Variants in HELLS observed in about 807,000 individuals in gnomAD.
HELLS encodes lymphoid-specific helicase.
In HELLS, 32 loss-of-function variants were observed where a neutral mutation model predicts 120.0. The ratio of observed to expected loss-of-function variants is 0.27; its 90% CI spans 0.20 to 0.36. HELLS has a LOEUF of 0.36. Ranked by LOEUF, HELLS falls within the 10% of genes least tolerant of loss-of-function variation. The pLI is 1.00. For synonymous variants in HELLS, 341 were observed against 323.4 expected, an observed-to-expected ratio of 1.05 and a Z score of -0.58; for missense variants, 650 against 993.4, an observed-to-expected ratio of 0.65 and a Z score of 4.65.
intron 6 of HELLS, chr10:94,570,505 T>C (rs539417875): frequency 6.6e-6 from 1 of 152,244 alleles, no homozygotes; most frequent in African/African-American, 2.4e-5. Flanking sequence ...CATGTCCTGT[T>C]ACTCTTCTAT....
intron 7 of HELLS, among the ~76,000 whole-genome samples, chr10:94,573,199 C>G (rs1449629418): frequency 3.3e-5 from 5 of 152,200 alleles, no homozygotes; most frequent in African/African-American, 1.2e-4. Flanking sequence ...ACCTCATGAT[C>G]TGCCTGCCTT....
chr10:94,592,544 C>T (rs2134113491), intron 17 of HELLS, 30 bp downstream of exon 17: 1 of 1,307,364 alleles, frequency 7.6e-7, no homozygotes, highest in Non-Finnish European at 1.0e-6. Flanking sequence ...ACATACCAAA[C>T]TATTCTTTTA....
Position 94,562,846 on chromosome 10 carries a change from A to G in HELLS, c.405A>G (p.Ser135=). The change falls in exon 6 of 22, where the codon TCA becomes TCG. Residue 135 remains serine, a synonymous_variant. Transcript: ENST00000348459. ...AAAAAAGAGGAAGAGAAGATGAATC[A>G]TACAATATTTCAGAGGTCATGTCAA... is the stretch of plus-strand genomic sequence containing the variant. ...MRKKRGREDE[S]YNISEVMSKE... 1.3e-6 allele frequency: 2 copies of G among 1,581,040 alleles called. No homozygotes were observed. Among genetic ancestry groups the G allele is most frequent in the Non-Finnish European group, 1.7e-6 (2 of 1,156,612 alleles).
chr10:94,599,442 C>T (rs893226789), intron 21 of HELLS, among the ~76,000 whole-genome samples: 17 of 152,130 alleles, frequency 1.1e-4, no homozygotes, highest in African/African-American at 4.1e-4. Flanking sequence ...CAGCTTTAAC[C>T]TGCTGGGCTC....
chr10:94,566,801 C>T (rs962317043), intron 6 of HELLS, among the ~76,000 whole-genome samples: 4 of 151,938 alleles, frequency 2.6e-5, no homozygotes, highest in South Asian at 2.1e-4. Context: ...ACTACAGGCA[C>T]GTGCCACCAC....
At chr10:94,565,495 G>A (rs1177694867) in intron 6 of HELLS, among the ~76,000 whole-genome samples, 2 of 152,212 alleles carry the variant, frequency 1.3e-5, no homozygotes, top group African/African-American at 2.4e-5. Flanking sequence ...TTCGAGGCCA[G>A]CCTGACCAGC....
chr10:94,602,653 CTT>C (rs903999808), downstream of HELLS, among the ~76,000 whole-genome samples: 30 of 152,092 alleles, frequency 2.0e-4, no homozygotes, highest in Non-Finnish European at 3.4e-4. Context: ...TTAAGAAAAA[CTT>C]AATTTTTTTT....
At chr10:94,583,248 C>T (rs1178365990) in intron 12 of HELLS, among the ~76,000 whole-genome samples, 189 bp downstream of exon 12, 1 of 152,070 alleles carries the variant, frequency 6.6e-6, no homozygotes, top group Non-Finnish European at 1.5e-5. Flanking sequence ...AAGTGCTTAC[C>T]TAAGTTTTGT....
intron 2 of HELLS, among the ~76,000 whole-genome samples, chr10:94,551,841 G>A (rs11188015): frequency 0.37 from 55,682 of 151,090 alleles, 10,820 homozygotes; most frequent in East Asian, 0.69. Context: ...CCGGGTTCAC[G>A]CCATTCTCCT....
Position 94,562,743 on chromosome 10 carries a change from C to A in HELLS, c.370+16C>A. ...GAGAAGCCAGGTAAATATCCTTATT[C>A]TAGTTTTGAAGAATATGCGTTTATA... On this transcript the variant is annotated intron_variant, in intron 5 of 21. Transcript: ENST00000348459. 1 of 1,579,902 alleles carries A rather than the reference C, an allele frequency of 6.3e-7. No individual in the cohort carries two copies. The highest frequency in any genetic ancestry group is 1.2e-5 in the South Asian group (1 of 86,424).
At position 94,548,965 on chromosome 10, in the gene HELLS, G is replaced by A. The variant is rs540758016; in HGVS notation, c.153+2467G>A. Among the ~76,000 whole-genome samples the A allele has an allele frequency of 5.9e-5, 9 of 152,268 alleles. No homozygotes were observed. The East Asian group carries it at 1.7e-3, about 29-fold the overall frequency. On this transcript the variant is annotated intron_variant, in intron 2 of 21. Coordinates refer to ENST00000348459, the MANE Select transcript of HELLS (RefSeq NM_018063.5). Reference sequence around the variant, plus strand: ...GCCGAGATGGCATCACTGCACTCCAGCCTGGGTGACAGAGCAAGATTCCGT... The same window carrying A: ...GCCGAGATGGCATCACTGCACTCCAACCTGGGTGACAGAGCAAGATTCCGT...
intron 15 of HELLS, 44 bp from the exon 16 acceptor site, chr10:94,592,185 T>C (rs1351762581): frequency 7.0e-7 from 1 of 1,424,052 alleles, no homozygotes. Flanking sequence ...ACAAAGCAAA[T>C]AACAGTTTTC....
At chr10:94,589,535 TATC>T (rs143099835) in intron 13 of HELLS, among the ~76,000 whole-genome samples, 3,345 of 152,310 alleles carry the variant, frequency 0.022, 122 homozygotes, top group African/African-American at 0.074. Flanking sequence ...GGGATGTTAT[TATC>T]ATGTAACTGA....
At chr10:94,588,452 C>G (rs929530784) in intron 13 of HELLS, 62 bp downstream of exon 13, 5 of 1,264,792 alleles carry the variant, frequency 4.0e-6, no homozygotes, top group Non-Finnish European at 4.3e-6. Flanking sequence ...TCTTTTTTCC[C>G]TTTTTTTTTG....
intron 13 of HELLS, among the ~76,000 whole-genome samples, chr10:94,589,680 CTTTTTTTT>C (rs67491329): frequency 2.2e-5 from 2 of 91,968 alleles, no homozygotes; most frequent in African/African-American, 4.5e-5. Flanking sequence ...CTCCCCCCGA[CTTTTTTTT>C]TTTTTTTTTT....
chr10:94,576,662 A>G lies in HELLS; in HGVS notation c.889A>G (p.Ile297Val). The change falls in exon 10 of 22, where the codon ATC becomes GTC. Residue 297 changes from isoleucine to valine, a missense_variant and splice_region_variant. Ile to Val is a conservative substitution (Grantham distance 29, BLOSUM62 3). Around this residue, in one of 9 missense-constraint regions of HELLS, gnomAD observed 61 missense variants for 86.5 expected, o/e 0.71. Coordinates refer to ENST00000348459, the MANE Select transcript of HELLS (RefSeq NM_018063.5). Reference protein sequence around the residue: ...MAEFKRFTPDIPTMLYHGTQE... With the variant: ...MAEFKRFTPDVPTMLYHGTQE... ...TAAAAATCAATATAAAATTTTTCAG[A>G]TCCCTACAATGTTATATCATGGAAC... 1 of 1,537,088 alleles carries G rather than the reference A, an allele frequency of 6.5e-7. No individual in the cohort carries two copies.
At chr10:94,567,905 GTTT>G (rs34881072) in intron 6 of HELLS, among the ~76,000 whole-genome samples, 4 of 130,624 alleles carry the variant, frequency 3.1e-5, no homozygotes, top group South Asian at 2.3e-4. Context: ...TGAAACCCTG[GTTT>G]TTTTTTTTTT....
At chr10:94,583,834 A>T (rs1044218781) in intron 12 of HELLS, among the ~76,000 whole-genome samples, 14 of 152,148 alleles carry the variant, frequency 9.2e-5, no homozygotes. Flanking sequence ...GATTTAAATC[A>T]GTTTTTAATA....
chr10:94,612,003 G>T (rs1177583825), exon 10 of HELLS: 2 of 152,150 alleles, frequency 1.3e-5, no homozygotes, highest in Admixed American at 1.3e-4. Flanking sequence ...AAGATACATT[G>T]CAGATTATCT....
Sources: gnomAD v4.1 joint callset for allele counts (sites outside exome capture counted in the v4.1 genomes callset) on GRCh38, gnomAD v4.1.1 for gene constraint, gnomAD v4.1.1 regional missense constraint, MANE v1.5 for transcripts, NCBI Gene and HGNC (gene_info 2026-07-23, HGNC 2026-07-21) for gene names.